The following CABLES1 variants were observed in gnomAD, a reference collection of about 807,000 sequenced individuals.
CABLES1 encodes CDK5 and ABL1 enzyme substrate 1.
In CABLES1, 36 loss-of-function variants were observed where a neutral mutation model predicts 57.8. The observed-to-expected ratio is 0.62, with a 90% CI of 0.48 to 0.82. The LOEUF (loss-of-function observed/expected upper bound fraction) is 0.82, where lower values mean the gene tolerates loss of function less well. CABLES1 is among the 40% of genes least tolerant of loss of function. The pLI is 0.00. For missense variants in CABLES1, 767 were observed against 836.6 expected (o/e 0.92, Z 1.03); for synonymous variants, 374 against 363.0 (o/e 1.03, Z -0.35).
intron 1 of CABLES1, among the ~76,000 whole-genome samples, chr18:23,165,713 C>T (rs988878870): frequency 3.3e-5 from 5 of 152,202 alleles, no homozygotes; most frequent in African/African-American, 4.8e-5. Flanking sequence ...AATATTATCC[C>T]ATTATCTGTA....
At chr18:23,195,152 C>G (rs1213927161) in intron 3 of CABLES1, among the ~76,000 whole-genome samples, 1 of 152,212 alleles carries the variant, frequency 6.6e-6, no homozygotes, top group Non-Finnish European at 1.5e-5. Context: ...TTAAAACCTT[C>G]CAGACAACAG....
intron 1 of CABLES1, among the ~76,000 whole-genome samples, chr18:23,160,069 A>T (rs7505625): frequency 1.3e-5 from 2 of 150,426 alleles, no homozygotes; most frequent in Non-Finnish European, 3.0e-5. Flanking sequence ...ATGGAGTTTC[A>T]CTCTGTCACC....
chr18:23,209,103 C>T (rs1035812300), intron 3 of CABLES1, among the ~76,000 whole-genome samples: 3 of 152,170 alleles, frequency 2.0e-5, no homozygotes, highest in Non-Finnish European at 4.4e-5. Flanking sequence ...TGGAAAATTC[C>T]ACAAACAATT....
intron 1 of CABLES1, among the ~76,000 whole-genome samples, chr18:23,177,367 C>T (rs1452982227): frequency 6.6e-6 from 1 of 151,378 alleles, no homozygotes; most frequent in Non-Finnish European, 1.5e-5. Flanking sequence ...TAGCCCTGTA[C>T]CTCCTGTGTT....
chr18:23,178,148 A>G (rs745663581), intron 1 of CABLES1, among the ~76,000 whole-genome samples: 24 of 151,488 alleles, frequency 1.6e-4, no homozygotes, highest in African/African-American at 3.4e-4. Flanking sequence ...TGAGTATCCA[A>G]TGTGTTCTGT....
intron 4 of CABLES1, among the ~76,000 whole-genome samples, chr18:23,224,728 C>G (rs2047515390): frequency 6.6e-6 from 1 of 151,822 alleles, no homozygotes; most frequent in African/African-American, 2.4e-5. Context: ...GCCACTACAC[C>G]CGGCTAATTT....
intron 7 of CABLES1, among the ~76,000 whole-genome samples, chr18:23,243,468 G>GTTTTTTTTTTTTTT (rs551293348): frequency 9.8e-6 from 1 of 101,874 alleles, no homozygotes; most frequent in African/African-American, 3.6e-5. Context: ...TGGGTTTGGT[G>GTTTTTTTTTTTTTT]TTTTTTTTTT....
chr18:23,196,665 G>A (rs1396665377), intron 3 of CABLES1, among the ~76,000 whole-genome samples: 1 of 152,194 alleles, frequency 6.6e-6, no homozygotes, highest in Non-Finnish European at 1.5e-5. Context: ...TGAAATGACA[G>A]GTAGGAGGGG....
chr18:23,254,613 C>T (rs1310960526), intron 9 of CABLES1, among the ~76,000 whole-genome samples: 3 of 152,154 alleles, frequency 2.0e-5, no homozygotes, highest in Non-Finnish European at 4.4e-5. Flanking sequence ...ATGTATTTCT[C>T]ATAGTTTTGG....
chr18:23,258,815 G>A lies in CABLES1; in HGVS notation c.*1448G>A, dbSNP rs994283191. ...ACCGAACCGAGGGTCTGCAGCTTTC[G>A]TTAGCAGAGCTGTCAGATTCTTGAC... On this transcript the variant is annotated 3_prime_UTR_variant, in exon 10 of 10. Coordinates refer to ENST00000256925, the MANE Select transcript of CABLES1 (RefSeq NM_001100619.3). 4 of 152,160 alleles carry A rather than the reference G, an allele frequency of 2.6e-5. No homozygotes were observed. Among genetic ancestry groups the A allele is most frequent in the Admixed American group, 1.3e-4 (2 of 15,270 alleles). The allele number at this position is 152,160 out of a possible 1,614,324, so 9.4% of individuals were successfully genotyped here.
At chr18:23,248,430 C>G (rs1249250709) in intron 7 of CABLES1, among the ~76,000 whole-genome samples, 1 of 151,444 alleles carries the variant, frequency 6.6e-6, no homozygotes, top group Non-Finnish European at 1.5e-5. Flanking sequence ...TCTGCAGCCC[C>G]GACCACTCAG....
intron 3 of CABLES1, among the ~76,000 whole-genome samples, chr18:23,206,569 C>T (rs1426337528): frequency 6.6e-6 from 1 of 152,226 alleles, no homozygotes; most frequent in Admixed American, 6.5e-5. Flanking sequence ...TCCTTATGTC[C>T]TCATTGTTCC....
At chr18:23,152,771 C>T (rs1208977098) in intron 1 of CABLES1, among the ~76,000 whole-genome samples, 1 of 151,820 alleles carries the variant, frequency 6.6e-6, no homozygotes, top group Non-Finnish European at 1.5e-5. Context: ...AGGCTCGAGC[C>T]ACCATGCCAG....
intron 3 of CABLES1, among the ~76,000 whole-genome samples, chr18:23,198,725 T>C (rs2047302621): frequency 6.6e-6 from 1 of 152,192 alleles, no homozygotes; most frequent in Non-Finnish European, 1.5e-5. Context: ...AACCAAGAAA[T>C]GCAGGCAGCT....
intron 1 of CABLES1, among the ~76,000 whole-genome samples, chr18:23,167,470 C>T (rs1353122564): frequency 6.6e-6 from 1 of 152,208 alleles, no homozygotes; most frequent in Non-Finnish European, 1.5e-5. Context: ...AAGATGTCAT[C>T]CATATGGAAA....
intron 2 of CABLES1, among the ~76,000 whole-genome samples, chr18:23,191,171 A>C (rs558578517): frequency 6.6e-6 from 1 of 152,228 alleles, no homozygotes; most frequent in African/African-American, 2.4e-5. Flanking sequence ...GGATCGCTTG[A>C]ACCCAGGAGT....
chr18:23,155,736 G>A (rs2046961117), intron 1 of CABLES1: 1 of 1,144,478 alleles, frequency 8.7e-7, no homozygotes, highest in Non-Finnish European at 1.2e-6. Flanking sequence ...TCACGGGGTG[G>A]CAGTACATAT....
chr18:23,251,520 G>A (rs547266690), intron 7 of CABLES1, among the ~76,000 whole-genome samples: 3 of 152,252 alleles, frequency 2.0e-5, no homozygotes, highest in East Asian at 1.9e-4. Context: ...GTATACTCTC[G>A]AGGAGGGATG....
At chr18:23,215,002 G>A (rs1408688522) in intron 4 of CABLES1, among the ~76,000 whole-genome samples, 1 of 152,170 alleles carries the variant, frequency 6.6e-6, no homozygotes, top group African/African-American at 2.4e-5. Flanking sequence ...ACTCTTCATT[G>A]TCAGCTCCAT....
Sources: gnomAD v4.1 joint callset for allele counts (sites outside exome capture counted in the v4.1 genomes callset) on GRCh38, gnomAD v4.1.1 for gene constraint, MANE v1.5 for transcripts, NCBI Gene and HGNC (gene_info 2026-07-23, HGNC 2026-07-21) for gene names.